The following CRNKL1 variants were observed in gnomAD, a reference collection of about 807,000 sequenced individuals.
CRNKL1 encodes the protein crooked neck pre-mRNA splicing factor 1.
A neutral mutation model predicts 103.7 loss-of-function variants in CRNKL1; 35 were observed. That is an observed-to-expected ratio of 0.34 (90% CI 0.26 to 0.45). CRNKL1 has a LOEUF of 0.45. Ranked by LOEUF, CRNKL1 falls within the 20% of genes least tolerant of loss-of-function variation. The pLI, the probability that CRNKL1 is intolerant of heterozygous loss-of-function variation, is 1.00. For synonymous variants in CRNKL1, 267 were observed against 282.6 expected, an observed-to-expected ratio of 0.94 and a Z score of 0.55; for missense variants, 645 against 836.0, an observed-to-expected ratio of 0.77 and a Z score of 2.82.
rs1299899057 is a variant in CRNKL1 at position 20,034,405 on chromosome 20, G to A, written c.*1790C>T. 6.6e-6 allele frequency: 1 copy of A among 152,114 alleles called. No homozygotes were observed. The highest frequency in any genetic ancestry group is 2.4e-5 in the African/African-American group (1 of 41,364). The allele number at this position is 152,114 out of a possible 1,614,324, so 9.4% of individuals were successfully genotyped here. On this transcript the variant is annotated 3_prime_UTR_variant, in exon 14 of 14. Coordinates refer to ENST00000536226, the MANE Select transcript of CRNKL1 (RefSeq NM_001278628.2). ...TATCGAAAGGATTTACTTTGGTGGA[G>A]TTGAGGGTGGGAGAGAAATGAATCT...
rs749548472 is a variant in CRNKL1 at position 20,048,413 on chromosome 20, G to A, written c.385C>T (p.Arg129Cys). ...ATATTTCGAGCATGGTTGACTTGGC[G>A]ATTCTTCATTTCCATTTCTGCGTAT... ...LKYAEMEMKN[R>C]QVNHARNIWD... The change falls in exon 4 of 14, where the codon CGC becomes TGC. Residue 129 changes from arginine to cysteine, a missense_variant. Arg to Cys is a radical substitution (Grantham distance 180). This residue lies in a region of CRNKL1 where 582 missense variants were observed against 707.7 expected (regional missense o/e 0.82). Coordinates refer to ENST00000536226, the MANE Select transcript of CRNKL1 (RefSeq NM_001278628.2). 1.9e-5 allele frequency: 31 copies of A among 1,614,012 alleles called. No individual in the cohort carries two copies. The Admixed American group carries it at 2.0e-4, about 10-fold the overall frequency.
In CRNKL1 at chr20:20,037,296, T is replaced by C. The variant is rs545418892; in HGVS notation, c.1896+27A>G. The C allele has an allele frequency of 7.5e-6, 12 of 1,603,152 alleles. No individual in the cohort carries two copies. The South Asian group carries it at 9.0e-5, about 12-fold the overall frequency. On this transcript the variant is annotated intron_variant, in intron 13 of 13. Transcript: ENST00000536226. ...GTGTTTCTACTCATGTGACGTGAGA[T>C]GAACAGTCCCAGGGCAGAGTTCTTA... is the stretch of plus-strand genomic sequence containing the variant.
chr20:20,044,099 C>A (rs1027881117), intron 6 of CRNKL1, among the ~76,000 whole-genome samples: 3 of 152,176 alleles, frequency 2.0e-5, no homozygotes, highest in Middle Eastern at 3.2e-3. Context: ...ATTTCAATCT[C>A]TTCCACACAG....
chr20:20,049,788 A>G (rs1317980935), intron 2 of CRNKL1, among the ~76,000 whole-genome samples: 1 of 151,912 alleles, frequency 6.6e-6, no homozygotes, highest in East Asian at 1.9e-4. Flanking sequence ...GTCCTTTTGC[A>G]GACCTCAATT....
At chr20:20,046,426 G>A (rs764041414) in intron 5 of CRNKL1, among the ~76,000 whole-genome samples, 7 of 152,170 alleles carry the variant, frequency 4.6e-5, no homozygotes, top group Non-Finnish European at 7.4e-5. Flanking sequence ...CAACAGAGAA[G>A]AGTAAAAAAA....
At chr20:20,049,701 A>G (rs778959625) in intron 2 of CRNKL1, among the ~76,000 whole-genome samples, 3 of 152,266 alleles carry the variant, frequency 2.0e-5, no homozygotes, top group Non-Finnish European at 4.4e-5. Flanking sequence ...AATTTCATAT[A>G]TAACAGCATT....
chr20:20,045,624 A>G, intron 5 of CRNKL1, 138 bp from the exon 6 acceptor site: 1 of 707,100 alleles, frequency 1.4e-6, no homozygotes, highest in Non-Finnish European at 2.3e-6. Flanking sequence ...AACACATACA[A>G]AAGTGTAGAA....
rs2043439503 is a variant in CRNKL1, at chr20:20,037,477, A to G, written c.1742T>C (p.Met581Thr). 1 of 1,614,050 alleles carries G rather than the reference A, an allele frequency of 6.2e-7. No individual in the cohort carries two copies. Among genetic ancestry groups the G allele is most frequent in the African/African-American group, 1.3e-5 (1 of 74,910 alleles). ...RQIYEEANKT[M>T]RNCEEKEERL... Reference sequence around the variant, plus strand: ...CTCTTCCTTTTCTTCACAGTTTCGCATGGTTTTGTTAGCTTCTTCATAAAT... The same window carrying G: ...CTCTTCCTTTTCTTCACAGTTTCGCGTGGTTTTGTTAGCTTCTTCATAAAT... Residue 581 changes from methionine to threonine, a missense_variant, in exon 13 of 14, where the codon ATG becomes ACG. By Grantham distance (81) the Met-to-Thr change is moderately conservative. This residue lies in a region of CRNKL1 where 582 missense variants were observed against 707.7 expected (regional missense o/e 0.82). Transcript: ENST00000536226.
At chr20:20,054,955 C>G (rs1268578652), upstream of CRNKL1, among the ~76,000 whole-genome samples, 3 of 152,126 alleles carry the variant, frequency 2.0e-5, no homozygotes, top group African/African-American at 4.8e-5. Flanking sequence ...TTGGAATTCC[C>G]ATAAGACAGA....
At position 20,047,798 on chromosome 20, in the gene CRNKL1, C is replaced by G; in HGVS notation, c.589G>C (p.Glu197Gln). 2 of 1,614,258 alleles carry G rather than the reference C, an allele frequency of 1.2e-6. No homozygotes were observed. The highest frequency in any genetic ancestry group is 1.7e-6 in the Non-Finnish European group (2 of 1,180,050). ...SYINFELRYKEVDRARTIYER... is the reference protein window; with the variant it reads ...SYINFELRYKQVDRARTIYER... ...TAAATGGTGCGGGCCCGATCCACCT[C>G]TTTGTATCTCAGCTCAAAGTTGATG... The change falls in exon 5 of 14, where the codon GAG becomes CAG. Residue 197 changes from glutamate (E) to glutamine (Q), a missense_variant. Transcript: ENST00000536226.
At chr20:20,045,594 C>T (rs1021114668) in intron 5 of CRNKL1, 108 bp from the exon 6 acceptor site, 5 of 988,922 alleles carry the variant, frequency 5.1e-6, no homozygotes, top group Admixed American at 4.9e-5. Flanking sequence ...AAAATTCAAA[C>T]TACAACTCTA....
chr20:20,052,703 C>T (rs894044535), upstream of CRNKL1: 6 of 1,610,826 alleles, frequency 3.7e-6, no homozygotes, highest in East Asian at 2.2e-5. Context: ...GGACGAGTGG[C>T]TCTGTCGAGC....
chr20:20,034,443 G>GTT lies in CRNKL1; in HGVS notation c.*1750_*1751dup, dbSNP rs749798812. 3.9e-4 allele frequency: 60 copies of GTT among 152,300 alleles called. No individual in the cohort carries two copies. Among genetic ancestry groups the GTT allele is most frequent in the African/African-American group, 7.9e-4 (33 of 41,556 alleles). 9.4% of individuals were successfully genotyped at this position (152,300 alleles called of 1,614,324 possible). A position where few individuals can be genotyped will look rare whatever the true frequency, so the allele number is the denominator to read the frequency against. The stretch of plus-strand genomic sequence containing the variant: ...GAGAAATGAATCTTTATGTTCTCCT[G>GTT]TTAGAGAATAGCTTTTTTCCTTCCA... On this transcript the variant is annotated 3_prime_UTR_variant, in exon 14 of 14. Transcript: ENST00000536226.
chr20:20,039,930 C>G (rs2043485505), intron 10 of CRNKL1, 82 bp from the exon 11 acceptor site: 1 of 1,422,264 alleles, frequency 7.0e-7, no homozygotes, highest in Non-Finnish European at 9.6e-7. Flanking sequence ...AGAGGCTGTT[C>G]TCTGCTGAGG....
In CRNKL1 at chr20:20,043,676, G is replaced by A; in HGVS notation, c.802-14C>T. Reference sequence around the variant, plus strand: ...TACCCTTTCAAACTAAATGCAGACAGGATGATTACCTTCTATAACACAATA... The same window carrying A: ...TACCCTTTCAAACTAAATGCAGACAAGATGATTACCTTCTATAACACAATA... On this transcript the variant is annotated splice_polypyrimidine_tract_variant and intron_variant, in intron 6 of 13. Coordinates refer to ENST00000536226, the MANE Select transcript of CRNKL1 (RefSeq NM_001278628.2). 6.2e-7 allele frequency: 1 copy of A among 1,607,368 alleles called. No homozygotes were observed. Among genetic ancestry groups the A allele is most frequent in the Non-Finnish European group, 8.5e-7 (1 of 1,174,520 alleles).
intron 8 of CRNKL1, 151 bp from the exon 9 acceptor site, chr20:20,041,776 C>T: frequency 3.2e-6 from 2 of 616,334 alleles, no homozygotes; most frequent in East Asian, 5.6e-5. Flanking sequence ...GATTTATGAT[C>T]TAAAGTATGA....
Position 20,041,390 on chromosome 20 carries a change from C to T in CRNKL1, c.1224+176G>A, listed in dbSNP as rs114505043. ...TTGTTTGTCAATGCAGGTTGTCCTC[C>T]AACCTAGTCTGTGAGCTGTTTTCAG... On this transcript the variant is annotated intron_variant, in intron 9 of 13. Transcript: ENST00000536226. Among the ~76,000 whole-genome samples the T allele has an allele frequency of 5.0e-3, 756 of 152,348 alleles. 5 individuals carry two copies. The highest frequency in any genetic ancestry group is 0.017 in the African/African-American group (721 of 41,574).
At chr20:20,036,416 T>C (rs2043420056) in intron 13 of CRNKL1, 54 bp from the exon 14 acceptor site, 7 of 1,541,512 alleles carry the variant, frequency 4.5e-6, no homozygotes, top group South Asian at 2.3e-5. Context: ...TACTCACATA[T>C]CAGAGTGAAG....
At chr20:20,051,779 T>C (rs2043746785) in intron 1 of CRNKL1, among the ~76,000 whole-genome samples, 1 of 152,298 alleles carries the variant, frequency 6.6e-6, no homozygotes, top group Admixed American at 6.5e-5. Context: ...ACTATACTAC[T>C]CCTACCGTCT....
Sources: gnomAD v4.1 joint callset for allele counts (sites outside exome capture counted in the v4.1 genomes callset) on GRCh38, gnomAD v4.1.1 for gene constraint, gnomAD v4.1.1 regional missense constraint, MANE v1.5 for transcripts, NCBI Gene and HGNC (gene_info 2026-07-23, HGNC 2026-07-21) for gene names.